Variants in DONSON observed in about 807,000 individuals in gnomAD.
DONSON encodes the protein DNA replication fork stabilization factor DONSON.
DONSON carries 43 observed loss-of-function variants against 62.1 expected under a neutral mutation model. That is an observed-to-expected ratio of 0.69 (90% CI 0.54 to 0.89). DONSON has a LOEUF of 0.89. Ranked by LOEUF, DONSON falls within the 40% of genes least tolerant of loss-of-function variation. The pLI is 0.00. For missense variants in DONSON, 696 were observed against 697.5 expected (o/e 1.00, Z 0.03); for synonymous variants, 266 against 264.6 (o/e 1.01, Z -0.05).
At chr21:33,580,569 A>C (rs1288384545) in intron 8 of DONSON, among the ~76,000 whole-genome samples, 1 of 141,126 alleles carries the variant, frequency 7.1e-6, no homozygotes, top group African/African-American at 2.6e-5. Flanking sequence ...ACTTGAGCCC[A>C]CATGGTTGAG....
At chr21:33,587,394 C>T in intron 2 of DONSON, 128 bp downstream of exon 2, 4 of 1,398,668 alleles carry the variant, frequency 2.9e-6, no homozygotes, top group Non-Finnish European at 3.7e-6. Flanking sequence ...GATCAAGCCT[C>T]TCTGTAAAAC....
chr21:33,583,199 T>TAAAA (rs2086534551), intron 5 of DONSON, among the ~76,000 whole-genome samples: 2 of 15,624 alleles, frequency 1.3e-4, no homozygotes, highest in Admixed American at 9.1e-4. Context: ...AGTCTCCATC[T>TAAAA]CAAAAAAAAA....
At chr21:33,584,438 G>A (rs2086555654) in intron 4 of DONSON, 152 bp downstream of exon 4, 2 of 678,044 alleles carry the variant, frequency 2.9e-6, no homozygotes, top group Admixed American at 6.9e-5. Context: ...AAAGTAAACA[G>A]TTTATATGTT....
chr21:33,585,091 C>T (rs1185905510), intron 3 of DONSON, among the ~76,000 whole-genome samples: 1 of 152,090 alleles, frequency 6.6e-6, no homozygotes, highest in African/African-American at 2.4e-5. Flanking sequence ...ACCCTCTCTC[C>T]AAAAGGCTGT....
intron 8 of DONSON, 49 bp from the exon 9 acceptor site, chr21:33,579,611 TTTGCCTAGCCAAAAA>T: frequency 6.6e-7 from 1 of 1,510,714 alleles, no homozygotes; most frequent in East Asian, 2.3e-5. Context: ...CTCTCAACCT[TTTGCCTAGCCAAAAA>T]TATGTTCAAT....
intron 4 of DONSON, 81 bp from the exon 5 acceptor site, chr21:33,583,747 C>T: frequency 8.8e-7 from 1 of 1,139,584 alleles, no homozygotes; most frequent in Non-Finnish European, 1.2e-6. Context: ...CAGTTTGATA[C>T]CTGGTTTAAA....
rs1569072591 is a variant in DONSON, at chr21:33,577,604, T to TACACATACAC, written c.*702_*703insGTGTATGTGT. ...AAATGTGAATTATACAGTCCCCCCCTACACACACACACACACACACACACA... is the reference window on the plus strand; with the variant it reads ...AAATGTGAATTATACAGTCCCCCCCTACACATACACACACACACACACACACACACACACA... On this transcript the variant is annotated 3_prime_UTR_variant, in exon 10 of 10. Transcript: ENST00000303071. 1.1e-4 allele frequency: 9 copies of TACACATACAC among 84,446 alleles called. No individual in the cohort carries two copies. The highest frequency in any genetic ancestry group is 4.2e-4 in the South Asian group (1 of 2,376). 5.2% of individuals were successfully genotyped at this position (84,446 alleles called of 1,614,324 possible).
intron 5 of DONSON, among the ~76,000 whole-genome samples, chr21:33,582,531 T>C (rs894960560): frequency 2.0e-5 from 3 of 152,242 alleles, no homozygotes; most frequent in Admixed American, 2.0e-4. Context: ...GTAGATTTCA[T>C]GATCCACTAA....
intron 9 of DONSON, 58 bp from the exon 10 acceptor site, chr21:33,578,502 G>A (rs1251458779): frequency 1.3e-6 from 2 of 1,512,290 alleles, no homozygotes; most frequent in Non-Finnish European, 9.0e-7. Context: ...ACACAGAAGA[G>A]TTAAATAATT....
chr21:33,578,639 T>C (rs1304853487), intron 9 of DONSON, among the ~76,000 whole-genome samples, 195 bp from the exon 10 acceptor site: 2 of 152,218 alleles, frequency 1.3e-5, no homozygotes, highest in Non-Finnish European at 2.9e-5. Context: ...CCAACTGAGA[T>C]GCATGAGACA....
chr21:33,585,872 T>C, intron 3 of DONSON, 106 bp downstream of exon 3: 1 of 1,091,452 alleles, frequency 9.2e-7, no homozygotes, highest in South Asian at 1.4e-5. Context: ...ATCTTTAAAT[T>C]TCCAAAGAAA....
At chr21:33,581,633 C>G in intron 7 of DONSON, 133 bp from the exon 8 acceptor site, 1 of 772,826 alleles carries the variant, frequency 1.3e-6, no homozygotes, top group Non-Finnish European at 2.0e-6. Context: ...CTCTCTTTAC[C>G]GAATCATAAG....
Position 33,582,265 on chromosome 21 carries a change from T to C in DONSON, c.965-19A>G. On this transcript the variant is annotated intron_variant, in intron 5 of 9. Coordinates refer to ENST00000303071, the MANE Select transcript of DONSON (RefSeq NM_017613.4). ...TCAATACCTATATGAGGAACAAAAA[T>C]GTAACTGAGTTGTCATTTAAAGTAT... is the stretch of plus-strand genomic sequence containing the variant. 2 of 1,578,422 alleles carry C rather than the reference T, an allele frequency of 1.3e-6. No individual in the cohort carries two copies. The highest frequency in any genetic ancestry group is 1.7e-6 in the Non-Finnish European group (2 of 1,149,474).
chr21:33,582,770 G>A (rs2086527939), intron 5 of DONSON, among the ~76,000 whole-genome samples: 1 of 152,190 alleles, frequency 6.6e-6, no homozygotes, highest in African/African-American at 2.4e-5. Flanking sequence ...ACAGCAGGAG[G>A]TGAGCGACTG....
At position 33,588,557 on chromosome 21, in the gene DONSON, G is replaced by C; in HGVS notation, c.85C>G (p.Arg29Gly). Residue 29 changes from arginine (R) to glycine (G), a missense_variant, in exon 1 of 10, where the codon CGT becomes GGT. Physicochemically the swap from Arg to Gly is moderately radical, Grantham distance 125. Coordinates refer to ENST00000303071, the MANE Select transcript of DONSON (RefSeq NM_017613.4). ...CGGGGCGGGGAGGCGGCAGCTCCAC[G>C]GCTCCGGGCCCTTTTCCGTCGGAGC... The part of the protein sequence containing the change: ...VRLRRKRARS[R>G]GAAASPPREL... The C allele has an allele frequency of 8.0e-7, 1 of 1,247,472 alleles. No homozygotes were observed. Among genetic ancestry groups the C allele is most frequent in the Non-Finnish European group, 1.0e-6 (1 of 996,226 alleles). 77.3% of individuals were successfully genotyped at this position (1,247,472 alleles called of 1,614,324 possible).
At position 33,583,693 on chromosome 21, in the gene DONSON, G is replaced by A. The variant is rs754951019; in HGVS notation, c.786-27C>T. ...TATGAAGTAAAAAAATTTTCTTAAG[G>A]TATTATTAAACATTTAATGCAATGT... On this transcript the variant is annotated intron_variant, in intron 4 of 9. Coordinates refer to ENST00000303071, the MANE Select transcript of DONSON (RefSeq NM_017613.4). The A allele has an allele frequency of 6.5e-6, 10 of 1,533,156 alleles. No individual in the cohort carries two copies. The Admixed American group carries it at 2.0e-4, about 30-fold the overall frequency. 95.0% of individuals were successfully genotyped at this position (1,533,156 alleles called of 1,614,324 possible).
intron 3 of DONSON, among the ~76,000 whole-genome samples, chr21:33,585,377 T>A (rs896985861): frequency 6.8e-6 from 1 of 146,506 alleles, no homozygotes; most frequent in Non-Finnish European, 1.5e-5. Flanking sequence ...CCCACCACCA[T>A]GCTCAGCTAA....
rs1569073174 is a variant in DONSON, at chr21:33,577,680, CA to C, written c.*626del. The C allele has an allele frequency of 7.2e-4, 76 of 104,896 alleles. No individual in the cohort carries two copies. The highest frequency in any genetic ancestry group is 8.6e-4 in the African/African-American group (20 of 23,344). 6.5% of individuals were successfully genotyped at this position (104,896 alleles called of 1,614,324 possible). A position where few individuals can be genotyped will look rare whatever the true frequency, so the allele number is the denominator to read the frequency against. ...ACACACACACACACACACACACACACACACACACACACACACACACACCCCT... is the reference window on the plus strand; with the variant it reads ...ACACACACACACACACACACACACACCACACACACACACACACACACCCCT... On this transcript the variant is annotated 3_prime_UTR_variant, in exon 10 of 10. Coordinates refer to ENST00000303071, the MANE Select transcript of DONSON (RefSeq NM_017613.4).
In DONSON at chr21:33,578,202, T is replaced by TA. The variant is rs1000162766; in HGVS notation, c.*104dup. 8.7e-6 allele frequency: 11 copies of TA among 1,261,426 alleles called. No homozygotes were observed. Among genetic ancestry groups the TA allele is most frequent in the Non-Finnish European group, 9.8e-6 (9 of 916,248 alleles). 78.1% of individuals were successfully genotyped at this position (1,261,426 alleles called of 1,614,324 possible). A position where few individuals can be genotyped will look rare whatever the true frequency, so the allele number is the denominator to read the frequency against. ...CCTTAGATGCTACTGTAGTAAAAGT[T>TA]ATGTTTATAAACATTTCAGTATATT... On this transcript the variant is annotated 3_prime_UTR_variant, in exon 10 of 10. Transcript: ENST00000303071.
Sources: allele counts gnomAD v4.1 joint callset (sites outside exome capture counted in the v4.1 genomes callset), GRCh38; gene constraint gnomAD v4.1.1; transcripts MANE v1.5; gene names NCBI Gene and HGNC (gene_info 2026-07-23, HGNC 2026-07-21).